The following LARGE1 variants were observed in gnomAD, a reference collection of about 807,000 sequenced individuals.
The protein encoded by LARGE1 is LARGE xylosyl- and glucuronyltransferase 1.
LARGE1 carries 43 observed loss-of-function variants against 87.6 expected under a neutral mutation model. The ratio of observed to expected loss-of-function variants is 0.49; its 90% CI spans 0.38 to 0.63. The LOEUF (loss-of-function observed/expected upper bound fraction) is 0.63, where lower values mean the gene tolerates loss of function less well. LARGE1 is among the 30% of genes least tolerant of loss of function. The pLI is 0.00. For synonymous variants in LARGE1, 434 were observed against 394.6 expected, an observed-to-expected ratio of 1.10 and a Z score of -1.18; for missense variants, 802 against 1,000.2, an observed-to-expected ratio of 0.80 and a Z score of 2.67.
chr22:33,484,132 C>T (rs957658133), intron 6 of LARGE1, among the ~76,000 whole-genome samples: 1 of 152,148 alleles, frequency 6.6e-6, no homozygotes, highest in East Asian at 1.9e-4. Context: ...ACAACAGACA[C>T]CTTGGGGAAG....
intron 9 of LARGE1, among the ~76,000 whole-genome samples, chr22:33,345,565 C>T (rs1939650330): frequency 6.6e-6 from 1 of 152,212 alleles, no homozygotes; most frequent in African/African-American, 2.4e-5. Flanking sequence ...GCATCAGGGG[C>T]CCCATGGGTG....
intron 11 of LARGE1, among the ~76,000 whole-genome samples, chr22:33,198,014 T>A (rs1466890328): frequency 6.6e-6 from 1 of 151,952 alleles, no homozygotes; most frequent in Non-Finnish European, 1.5e-5. Context: ...AAAGAGAAAA[T>A]TTTTATATCT....
intron 2 of LARGE1, among the ~76,000 whole-genome samples, chr22:33,660,471 C>A (rs1423402112): frequency 6.6e-6 from 1 of 152,158 alleles, no homozygotes; most frequent in Non-Finnish European, 1.5e-5. Context: ...TGTGTGAGAG[C>A]ACAATAAATT....
At chr22:33,425,920 G>A in intron 7 of LARGE1, among the ~76,000 whole-genome samples, 1 of 152,158 alleles carries the variant, frequency 6.6e-6, no homozygotes, top group South Asian at 2.1e-4. Context: ...TATTTATTTT[G>A]TATTTTTAGT....
At chr22:33,464,974 C>T (rs2148045130) in intron 6 of LARGE1, among the ~76,000 whole-genome samples, 1 of 152,234 alleles carries the variant, frequency 6.6e-6, no homozygotes, top group East Asian at 1.9e-4. Context: ...CTCTAACCCA[C>T]TCCTACATGT....
chr22:33,478,325 G>C (rs1211550622), intron 6 of LARGE1, among the ~76,000 whole-genome samples: 1 of 152,182 alleles, frequency 6.6e-6, no homozygotes, highest in Non-Finnish European at 1.5e-5. Flanking sequence ...AAGGCTAAAG[G>C]AGCTCCAGGC....
chr22:33,714,931 C>G (rs894527513), intron 2 of LARGE1, among the ~76,000 whole-genome samples: 2 of 152,216 alleles, frequency 1.3e-5, no homozygotes, highest in Non-Finnish European at 2.9e-5. Context: ...CCTCTCATAT[C>G]CTTTGGAGGC....
At chr22:33,069,055 T>C in the LARGE1 span, among the ~76,000 whole-genome samples, 1 of 152,220 alleles carries the variant, frequency 6.6e-6, no homozygotes, top group African/African-American at 2.4e-5. Context: ...GAGGACAAGT[T>C]GGATCTCCCA....
intron 13 of LARGE1, among the ~76,000 whole-genome samples, chr22:33,279,858 T>C (rs1293296697): frequency 2.0e-5 from 3 of 152,304 alleles, no homozygotes; most frequent in Non-Finnish European, 1.5e-5. Context: ...CTGATGGCCG[T>C]GAACTTGTAT....
chr22:33,663,913 C>G (rs1164256280), intron 2 of LARGE1, among the ~76,000 whole-genome samples: 1 of 152,122 alleles, frequency 6.6e-6, no homozygotes. Context: ...TACCATGGAC[C>G]CTCCAACACC....
chr22:33,307,445 A>G (rs561557941), intron 11 of LARGE1, among the ~76,000 whole-genome samples: 1 of 152,256 alleles, frequency 6.6e-6, no homozygotes, highest in East Asian at 1.9e-4. Flanking sequence ...TGTTTCCCCA[A>G]GTAAGAGCGT....
intron 1 of LARGE1, among the ~76,000 whole-genome samples, chr22:33,812,157 T>C (rs2086516589): frequency 6.6e-6 from 1 of 152,198 alleles, no homozygotes; most frequent in African/African-American, 2.4e-5. Context: ...TAAAAACTCA[T>C]TTATTTTCCC....
intron 2 of LARGE1, among the ~76,000 whole-genome samples, chr22:33,729,961 A>AGTGT (rs1310593205): frequency 2.0e-5 from 3 of 151,954 alleles, no homozygotes; most frequent in African/African-American, 7.3e-5. Context: ...GCCCTCATGA[A>AGTGT]GTGTGTGTGT....
At chr22:33,636,875 G>A (rs957722367) in intron 3 of LARGE1, among the ~76,000 whole-genome samples, 2 of 152,106 alleles carry the variant, frequency 1.3e-5, no homozygotes, top group Admixed American at 6.6e-5. Flanking sequence ...GATGACTCGC[G>A]TAAAGGGATT....
At chr22:33,430,887 C>T (rs1043434963) in intron 7 of LARGE1, among the ~76,000 whole-genome samples, 22 of 152,084 alleles carry the variant, frequency 1.4e-4, no homozygotes, top group Admixed American at 1.4e-3. Context: ...ATTTGGGACT[C>T]TTTTTGGCTG....
At chr22:33,230,439 G>T (rs1925952536) in intron 11 of LARGE1, among the ~76,000 whole-genome samples, 1 of 152,188 alleles carries the variant, frequency 6.6e-6, no homozygotes, top group East Asian at 1.9e-4. Flanking sequence ...TCTAAGTCTT[G>T]CCCTCACAGA....
intron 1 of LARGE1, among the ~76,000 whole-genome samples, chr22:33,805,736 A>AAAATAAAT (rs1373490783): frequency 2.7e-4 from 30 of 112,092 alleles, no homozygotes; most frequent in East Asian, 8.1e-4. Context: ...TCTGTCTCAA[A>AAAATAAAT]AAATAAATAA....
intron 7 of LARGE1, among the ~76,000 whole-genome samples, chr22:33,412,033 C>T (rs1024846738): frequency 6.6e-6 from 1 of 152,136 alleles, no homozygotes. Flanking sequence ...CCTGTAATCC[C>T]AGCACTTTGG....
intron 2 of LARGE1, among the ~76,000 whole-genome samples, chr22:33,670,102 T>G (rs1348690344): frequency 1.3e-5 from 2 of 152,182 alleles, no homozygotes; most frequent in Non-Finnish European, 2.9e-5. Context: ...GTTTGTTTAT[T>G]TGATTTTCTC....
Sources: allele counts gnomAD v4.1 joint callset (sites outside exome capture counted in the v4.1 genomes callset), GRCh38; gene constraint gnomAD v4.1.1; transcripts MANE v1.5; gene names NCBI Gene and HGNC (gene_info 2026-07-23, HGNC 2026-07-21).